The following DLG2 variants were observed in gnomAD, a reference collection of about 807,000 sequenced individuals.
DLG2 encodes disks large homolog 2.
DLG2 carries 45 observed loss-of-function variants against 132.5 expected under a neutral mutation model. The ratio of observed to expected loss-of-function variants is 0.34; its 90% CI spans 0.27 to 0.44. The LOEUF (loss-of-function observed/expected upper bound fraction) is 0.44, where lower values mean the gene tolerates loss of function less well. Among genes scored for constraint, DLG2 ranks in the 20% least tolerant of loss-of-function variants. The probability of loss-of-function intolerance (pLI) is 1.00; values close to 1 mark genes in which losing one functional copy is unlikely to be tolerated. For synonymous variants in DLG2, 424 were observed against 419.6 expected (o/e 1.01, Z -0.13); for missense variants, 1,045 against 1,196.9 (o/e 0.87, Z 1.87).
At chr11:84,968,323 G>A (rs1277347063) in intron 6 of DLG2, among the ~76,000 whole-genome samples, 1 of 152,080 alleles carries the variant, frequency 6.6e-6, no homozygotes, top group African/African-American at 2.4e-5. Flanking sequence ...GAATGGAGGA[G>A]AATATAACAG....
At chr11:83,965,066 C>T (rs2089885932) in intron 13 of DLG2, among the ~76,000 whole-genome samples, 1 of 151,972 alleles carries the variant, frequency 6.6e-6, no homozygotes, top group Non-Finnish European at 1.5e-5. Flanking sequence ...ATTGCCCATA[C>T]ACTACTTTAA....
At chr11:84,309,921 C>A (rs572993222) in intron 7 of DLG2, among the ~76,000 whole-genome samples, 1 of 152,096 alleles carries the variant, frequency 6.6e-6, no homozygotes, top group Non-Finnish European at 1.5e-5. Flanking sequence ...ATTCAATTTA[C>A]AAGTTACACA....
intron 6 of DLG2, among the ~76,000 whole-genome samples, chr11:84,638,442 T>G (rs1470980610): frequency 6.6e-6 from 1 of 152,138 alleles, no homozygotes; most frequent in African/African-American, 2.4e-5. Flanking sequence ...ACAAAATAGG[T>G]GACAGTCCCA....
intron 7 of DLG2, among the ~76,000 whole-genome samples, chr11:84,263,192 A>C (rs2097569772): frequency 6.6e-6 from 1 of 152,050 alleles, no homozygotes; most frequent in Non-Finnish European, 1.5e-5. Context: ...ATCTAATTTT[A>C]CTCTTGCAAA....
At chr11:85,165,881 C>T (rs1406418757) in intron 4 of DLG2, among the ~76,000 whole-genome samples, 14 of 152,098 alleles carry the variant, frequency 9.2e-5, no homozygotes, top group Admixed American at 9.2e-4. Flanking sequence ...ACTCTTAAAA[C>T]TCACCAAGAA....
At chr11:84,393,846 C>G (rs1045191957) in intron 7 of DLG2, among the ~76,000 whole-genome samples, 4 of 152,108 alleles carry the variant, frequency 2.6e-5, no homozygotes, top group Non-Finnish European at 4.4e-5. Context: ...GTATACACAT[C>G]ATTAATACAT....
At chr11:84,959,602 C>T (rs675255) in intron 6 of DLG2, among the ~76,000 whole-genome samples, 110,185 of 152,158 alleles carry the variant, frequency 0.72, 41,330 homozygotes, top group African/African-American at 0.92. Context: ...ATGTTAGTTT[C>T]TTAAAAAAAT....
At chr11:84,081,500 A>G (rs1397887352) in intron 10 of DLG2, among the ~76,000 whole-genome samples, 1 of 152,102 alleles carries the variant, frequency 6.6e-6, no homozygotes, top group Non-Finnish European at 1.5e-5. Context: ...GAAATATGTA[A>G]GTAACAACAA....
At chr11:85,611,920 CAGAG>C (rs1303357379) in intron 2 of DLG2, among the ~76,000 whole-genome samples, 1 of 147,558 alleles carries the variant, frequency 6.8e-6, no homozygotes, top group East Asian at 2.0e-4. Context: ...GAAAGACCAG[CAGAG>C]AGAGAGAGAG....
chr11:83,586,658 C>T (rs79544870), intron 19 of DLG2, among the ~76,000 whole-genome samples: 2,458 of 152,312 alleles, frequency 0.016, 78 homozygotes, highest in African/African-American at 0.055. Context: ...ATAGTAACTA[C>T]TTAATCTGCA....
chr11:83,624,664 T>TC (rs1451862463), intron 19 of DLG2, among the ~76,000 whole-genome samples: 1 of 152,198 alleles, frequency 6.6e-6, no homozygotes, highest in East Asian at 1.9e-4. Flanking sequence ...TTTAACGTCA[T>TC]CCTAACAACA....
chr11:85,223,882 A>C (rs1208873691), intron 4 of DLG2, among the ~76,000 whole-genome samples: 1 of 152,158 alleles, frequency 6.6e-6, no homozygotes, highest in African/African-American at 2.4e-5. Flanking sequence ...TACCAACTCA[A>C]GATAAATCTC....
chr11:83,477,793 C>A (rs2092737769), intron 22 of DLG2, among the ~76,000 whole-genome samples: 1 of 151,840 alleles, frequency 6.6e-6, no homozygotes. Flanking sequence ...ACAGCAAAAG[C>A]CAGGAATGCA....
intron 7 of DLG2, chr11:84,273,039 A>G (rs930779918): frequency 4.2e-6 from 4 of 954,148 alleles, no homozygotes; most frequent in Non-Finnish European, 4.3e-6. Context: ...CAGAGAAAAT[A>G]ACTATGATCA....
rs990958282 is a variant in DLG2, at chr11:84,445,805, G to A, written c.519+88765C>T. 7.3e-5 allele frequency among the ~76,000 whole-genome samples: 11 copies of A among 151,312 alleles called. No homozygotes were observed. In the East Asian group the frequency reaches 2.0e-3, roughly 27 times the overall value. ...GTAGCGGGCGCCTGTAGTCCCAGCT[G>A]CTCGGGAGGCTGAGGCAGGAGAATG... On this transcript the variant is annotated intron_variant, in intron 7 of 27. Transcript: ENST00000376104.
At chr11:85,123,016 C>T (rs1361857282) in intron 5 of DLG2, among the ~76,000 whole-genome samples, 10 of 93,790 alleles carry the variant, frequency 1.1e-4, no homozygotes, top group African/African-American at 3.7e-4. Flanking sequence ...CTCGCTCTGT[C>T]GCCCAAGCTG....
intron 8 of DLG2, among the ~76,000 whole-genome samples, chr11:84,165,999 T>TGAGG (rs887938932): frequency 2.0e-5 from 3 of 152,106 alleles, no homozygotes; most frequent in African/African-American, 7.2e-5. Flanking sequence ...TTAGCATAGG[T>TGAGG]GAGGCATCAT....
chr11:83,703,940 G>A (rs1460480415), intron 18 of DLG2, among the ~76,000 whole-genome samples: 1 of 152,030 alleles, frequency 6.6e-6, no homozygotes. Flanking sequence ...AAAATGTATG[G>A]ACATGAAGAA....
intron 16 of DLG2, among the ~76,000 whole-genome samples, chr11:83,844,746 C>A (rs1300545783): frequency 6.6e-6 from 1 of 151,932 alleles, no homozygotes; most frequent in African/African-American, 2.4e-5. Flanking sequence ...TCTCCAGCTC[C>A]AGCTGCAGGT....
Sources: allele counts gnomAD v4.1 joint callset (sites outside exome capture counted in the v4.1 genomes callset), GRCh38; gene constraint gnomAD v4.1.1; transcripts MANE v1.5; gene names NCBI Gene and HGNC (gene_info 2026-07-23, HGNC 2026-07-21).